The following KCNA1 variants were observed in gnomAD, a reference collection of about 807,000 sequenced individuals.
The protein encoded by KCNA1 is potassium voltage-gated channel subfamily A member 1.
In KCNA1, 19 loss-of-function variants were observed where a neutral mutation model predicts 28.8. The observed-to-expected ratio is 0.66, with a 90% CI of 0.46 to 0.97. KCNA1 has a LOEUF of 0.97. Among genes scored for constraint, KCNA1 ranks in the 50% least tolerant of loss-of-function variants. The probability of loss-of-function intolerance (pLI) is 0.00; values close to 1 mark genes in which losing one functional copy is unlikely to be tolerated. For missense variants in KCNA1, 419 were observed against 659.7 expected (o/e 0.64, Z 4.00); for synonymous variants, 311 against 268.8 (o/e 1.16, Z -1.53).
rs886049535 is a variant in KCNA1 at position 4,917,169 on chromosome 12, A to T, written c.*4303A>T. The T allele has an allele frequency of 1.3e-4, 21 of 167,100 alleles. No homozygotes were observed. The highest frequency in any genetic ancestry group is 4.8e-4 in the African/African-American group (20 of 41,474). The allele number at this position is 167,100 out of a possible 1,614,324, so 10.4% of individuals were successfully genotyped here. ...AGCATGTTATCTTCAGGCTTTTCCAAGCAAGAATGAAGTCTTTTGATGTTT... is the reference window on the plus strand; with the variant it reads ...AGCATGTTATCTTCAGGCTTTTCCATGCAAGAATGAAGTCTTTTGATGTTT... On this transcript the variant is annotated 3_prime_UTR_variant, in exon 2 of 2. Transcript: ENST00000382545.
Position 4,917,925 on chromosome 12 carries a change from T to C in KCNA1, c.*5059T>C, listed in dbSNP as rs1248369475. ...TGCCTCTAATAGTAAAGATAAAGTA[T>C]TACTGAGGTTAAAAATAAAAATTGA... On this transcript the variant is annotated 3_prime_UTR_variant, in exon 2 of 2. Transcript: ENST00000382545. The C allele has an allele frequency of 6.0e-6, 1 of 167,066 alleles. No individual in the cohort carries two copies. Among genetic ancestry groups the C allele is most frequent in the Non-Finnish European group, 1.5e-5 (1 of 68,112 alleles). 10.3% of individuals were successfully genotyped at this position (167,066 alleles called of 1,614,324 possible).
In KCNA1 at chr12:4,914,890, G is replaced by T. The variant is rs899275303; in HGVS notation, c.*2024G>T. 3.6e-5 allele frequency: 6 copies of T among 167,080 alleles called. No individual in the cohort carries two copies. Among genetic ancestry groups the T allele is most frequent in the Non-Finnish European group, 5.9e-5 (4 of 68,140 alleles). The allele number at this position is 167,080 out of a possible 1,614,324, so 10.3% of individuals were successfully genotyped here. A position where few individuals can be genotyped will look rare whatever the true frequency, so the allele number is the denominator to read the frequency against. ...TCGAGGGCCACTTTGGACACACAAG[G>T]CTTCCTCAGGTCCAGTGTAGTGCTC... On this transcript the variant is annotated 3_prime_UTR_variant, in exon 2 of 2. Transcript: ENST00000382545.
chr12:4,914,309 G>GCAAA lies in KCNA1; in HGVS notation c.*1460_*1463dup, dbSNP rs138257860. ...AGACAAACACAAGCAACACAAACAA[G>GCAAA]CAAACAAACAAACAAACAAAAAGGT... On this transcript the variant is annotated 3_prime_UTR_variant, in exon 2 of 2. Transcript: ENST00000382545. 3.9e-3 allele frequency: 657 copies of GCAAA among 167,034 alleles called. 4 individuals carry two copies. Among genetic ancestry groups the GCAAA allele is most frequent in the African/African-American group, 0.014 (596 of 41,546 alleles). 10.3% of individuals were successfully genotyped at this position (167,034 alleles called of 1,614,324 possible).
Position 4,910,991 on chromosome 12 carries a change from G to A in KCNA1, c.-388G>A, listed in dbSNP as rs774273695. On this transcript the variant is annotated 5_prime_UTR_variant, in exon 2 of 2. Coordinates refer to ENST00000382545, the MANE Select transcript of KCNA1 (RefSeq NM_000217.3). This position sits in a 1 kb window ranked among gnomAD's most constrained non-coding sequence, Gnocchi z 4.9. ...TCCTAGGAAGGCTCTCGGAGGGGAG[G>A]GGAGGCCAGGGCGACCCCCGAAGCA... 32 of 254,750 alleles carry A rather than the reference G, an allele frequency of 1.3e-4. No individual in the cohort carries two copies. Among genetic ancestry groups the A allele is most frequent in the Middle Eastern group, 1.4e-3 (1 of 706 alleles). 15.8% of individuals were successfully genotyped at this position (254,750 alleles called of 1,614,324 possible). A position where few individuals can be genotyped will look rare whatever the true frequency, so the allele number is the denominator to read the frequency against.
rs538124999 is a variant in KCNA1, at chr12:4,915,949, T to G, written c.*3083T>G. 7 of 167,206 alleles carry G rather than the reference T, an allele frequency of 4.2e-5. No homozygotes were observed. Among genetic ancestry groups the G allele is most frequent in the African/African-American group, 1.4e-4 (6 of 41,538 alleles). The allele number at this position is 167,206 out of a possible 1,614,324, so 10.4% of individuals were successfully genotyped here. ...TCAGTCTGGGACTGGGGGTGAGTTGTTGTTATGAGTTTGGGGTGGTGTGAG... is the reference window on the plus strand; with the variant it reads ...TCAGTCTGGGACTGGGGGTGAGTTGGTGTTATGAGTTTGGGGTGGTGTGAG... On this transcript the variant is annotated 3_prime_UTR_variant, in exon 2 of 2. Transcript: ENST00000382545.
rs200499946 is a variant in KCNA1 at position 4,915,447 on chromosome 12, A to T, written c.*2581A>T. On this transcript the variant is annotated 3_prime_UTR_variant, in exon 2 of 2. Transcript: ENST00000382545. Reference sequence around the variant, plus strand: ...AGTTACACCCATTCTGGCTAACTCGATTAAAAGAAAGAACATGGATATCTT... The same window carrying T: ...AGTTACACCCATTCTGGCTAACTCGTTTAAAAGAAAGAACATGGATATCTT... The T allele has an allele frequency of 4.2e-5, 7 of 167,114 alleles. No homozygotes were observed. In the East Asian group the frequency reaches 1.3e-3, roughly 32 times the overall value. 10.4% of individuals were successfully genotyped at this position (167,114 alleles called of 1,614,324 possible).
In KCNA1 at chr12:4,911,813, C is replaced by T. The variant is rs761301513; in HGVS notation, c.435C>T (p.Pro145=). 3 of 1,613,890 alleles carry T rather than the reference C, an allele frequency of 1.9e-6. No homozygotes were observed. Among genetic ancestry groups the T allele is most frequent in the Non-Finnish European group, 2.5e-6 (3 of 1,179,930 alleles). The part of the protein sequence containing the change: ...GFIKEEERPL[P]EKEYQRQVWL... ...TCAAGGAGGAGGAGCGCCCTCTGCC[C>T]GAGAAGGAGTACCAGCGCCAGGTGT... Residue 145 remains proline (P), a synonymous_variant, in exon 2 of 2, where the codon CCC becomes CCT. Coordinates refer to ENST00000382545, the MANE Select transcript of KCNA1 (RefSeq NM_000217.3). This position sits in a 1 kb window ranked among gnomAD's most constrained non-coding sequence, Gnocchi z 6.6.
rs1373178948 is a variant in KCNA1 at position 4,914,450 on chromosome 12, TA to T, written c.*1585del. The T allele has an allele frequency of 1.2e-5, 2 of 167,050 alleles. No homozygotes were observed. The highest frequency in any genetic ancestry group is 2.9e-5 in the Non-Finnish European group (2 of 68,130). 10.3% of individuals were successfully genotyped at this position (167,050 alleles called of 1,614,324 possible). ...CTTTGCAGTCATTCTTTGAAGTCTGTAGAGACTTCAGCCCTCCCCTTGAGGC... is the reference window on the plus strand; with the variant it reads ...CTTTGCAGTCATTCTTTGAAGTCTGTGAGACTTCAGCCCTCCCCTTGAGGC... On this transcript the variant is annotated 3_prime_UTR_variant, in exon 2 of 2. Transcript: ENST00000382545.
rs1197941442 is a variant in KCNA1, at chr12:4,910,200, C to G, written c.-812C>G. ...CCGCATCCTCCGGAACTCCCTGCAC[C>G]GGAGAGAGGACGGCGTCTCCAGGTT... On this transcript the variant is annotated 5_prime_UTR_variant, in exon 1 of 2. Coordinates refer to ENST00000382545, the MANE Select transcript of KCNA1 (RefSeq NM_000217.3). This position sits in a 1 kb window ranked among gnomAD's most constrained non-coding sequence, Gnocchi z 4.9. 1 of 152,370 alleles carries G rather than the reference C, an allele frequency of 6.6e-6. No individual in the cohort carries two copies. Among genetic ancestry groups the G allele is most frequent in the African/African-American group, 2.4e-5 (1 of 41,452 alleles). The allele number at this position is 152,370 out of a possible 1,614,324, so 9.4% of individuals were successfully genotyped here. A position where few individuals can be genotyped will look rare whatever the true frequency, so the allele number is the denominator to read the frequency against.
Position 4,912,145 on chromosome 12 carries a change from T to A in KCNA1, c.767T>A (p.Phe256Tyr). 7 of 1,613,834 alleles carry A rather than the reference T, an allele frequency of 4.3e-6. No homozygotes were observed. The highest frequency in any genetic ancestry group is 5.9e-6 in the Non-Finnish European group (7 of 1,179,970). Reference sequence around the variant, plus strand: ...GACTTCTTCAAAAACATCATGAACTTCATAGACATTGTGGCCATCATTCCT... The same window carrying A: ...GACTTCTTCAAAAACATCATGAACTACATAGACATTGTGGCCATCATTCCT... The part of the protein sequence containing the change: ...KTDFFKNIMN[F>Y]IDIVAIIPYF... The change falls in exon 2 of 2, where the codon TTC (phenylalanine) becomes TAC (tyrosine). Residue 256 changes from phenylalanine (F) to tyrosine (Y), a missense_variant. This residue lies in a region of KCNA1 where 217 missense variants were observed against 329.6 expected (regional missense o/e 0.66). Coordinates refer to ENST00000382545, the MANE Select transcript of KCNA1 (RefSeq NM_000217.3).
chr12:4,911,613 G>C lies in KCNA1; in HGVS notation c.235G>C (p.Glu79Gln). 1 of 1,614,166 alleles carries C rather than the reference G, an allele frequency of 6.2e-7. No individual in the cohort carries two copies. The highest frequency in any genetic ancestry group is 8.5e-7 in the Non-Finnish European group (1 of 1,180,036). Residue 79 changes from glutamate to glutamine, a missense_variant, in exon 2 of 2, where the codon GAG (glutamate) becomes CAG (glutamine). Glu to Gln is a conservative substitution (Grantham distance 29). Around this residue, in one of 4 missense-constraint regions of KCNA1, gnomAD observed 217 missense variants for 329.6 expected, o/e 0.66. Transcript: ENST00000382545. The surrounding 1 kb of genome is among the most constrained non-coding windows in gnomAD (Gnocchi z 6.6). Reference sequence around the variant, plus strand: ...GCGCTACTTCGACCCCCTGAGGAACGAGTACTTCTTCGACCGCAACCGGCC... The same window carrying C: ...GCGCTACTTCGACCCCCTGAGGAACCAGTACTTCTTCGACCGCAACCGGCC... ...RMRYFDPLRN[E>Q]YFFDRNRPSF...
Position 4,914,415 on chromosome 12 carries a change from AT to A in KCNA1, c.*1558del, listed in dbSNP as rs946372747. On this transcript the variant is annotated 3_prime_UTR_variant, in exon 2 of 2. Coordinates refer to ENST00000382545, the MANE Select transcript of KCNA1 (RefSeq NM_000217.3). ...ATTATATGCATCCGAAGCAGAGCTGATTTTTTTTTCTTTGCAGTCATTCTTT... is the reference window on the plus strand; with the variant it reads ...ATTATATGCATCCGAAGCAGAGCTGATTTTTTTTCTTTGCAGTCATTCTTT... 2.4e-5 allele frequency: 4 copies of A among 166,394 alleles called. No individual in the cohort carries two copies. Among genetic ancestry groups the A allele is most frequent in the Non-Finnish European group, 4.4e-5 (3 of 67,980 alleles). 10.3% of individuals were successfully genotyped at this position (166,394 alleles called of 1,614,324 possible).
chr12:4,912,047 C>A lies in KCNA1; in HGVS notation c.669C>A (p.Ile223=), dbSNP rs766618582. 2 of 1,614,198 alleles carry A rather than the reference C, an allele frequency of 1.2e-6. No homozygotes were observed. Among genetic ancestry groups the A allele is most frequent in the Non-Finnish European group, 1.7e-6 (2 of 1,180,044 alleles). The change falls in exon 2 of 2, where the codon ATC becomes ATA. Residue 223 remains isoleucine, a synonymous_variant. Transcript: ENST00000382545. ...ACATCTTCACAGACCCCTTCTTCAT[C>A]GTGGAAACGCTGTGTATCATCTGGT... is the stretch of plus-strand genomic sequence containing the variant. The part of the protein sequence containing the change: ...NSNIFTDPFF[I]VETLCIIWFS...
chr12:4,913,028 T>C lies in KCNA1; in HGVS notation c.*162T>C, dbSNP rs1289285148. The C allele has an allele frequency of 1.5e-6, 1 of 660,986 alleles. No individual in the cohort carries two copies. Among genetic ancestry groups the C allele is most frequent in the Admixed American group, 2.7e-5 (1 of 36,982 alleles). The allele number at this position is 660,986 out of a possible 1,614,324, so 40.9% of individuals were successfully genotyped here. On this transcript the variant is annotated 3_prime_UTR_variant, in exon 2 of 2. Coordinates refer to ENST00000382545, the MANE Select transcript of KCNA1 (RefSeq NM_000217.3). ...CAATGCGTTGTTGCATTGAGGATTT[T>C]GGGGGTGGTGAACCAGAAGCTTTCA... is the stretch of plus-strand genomic sequence containing the variant.
Position 4,912,608 on chromosome 12 carries a change from T to C in KCNA1, c.1230T>C (p.Asn410=). Residue 410 remains asparagine (N), a synonymous_variant, in exon 2 of 2, where the codon AAT becomes AAC. Transcript: ENST00000382545. ...IALPVPVIVS[N]FNYFYHRETE... is the part of the protein sequence containing the mutation. ...TGCCCGTACCTGTCATTGTGTCCAA[T>C]TTCAACTATTTCTACCACCGAGAAA... 6.2e-7 allele frequency: 1 copy of C among 1,613,434 alleles called. No individual in the cohort carries two copies. The highest frequency in any genetic ancestry group is 8.5e-7 in the Non-Finnish European group (1 of 1,179,858).
chr12:4,911,436 C>A lies in KCNA1; in HGVS notation c.58C>A (p.Gln20Lys). 5 of 1,613,708 alleles carry A rather than the reference C, an allele frequency of 3.1e-6. No individual in the cohort carries two copies. Among genetic ancestry groups the A allele is most frequent in the Non-Finnish European group, 4.2e-6 (5 of 1,179,898 alleles). Reference protein sequence around the residue: ...DEASAAPGHPQDGSYPRQADH... With the variant: ...DEASAAPGHPKDGSYPRQADH... ...GGCTTCGGCCGCCCCGGGCCACCCC[C>A]AGGATGGCAGCTACCCCCGGCAGGC... Residue 20 changes from glutamine (Q) to lysine (K), a missense_variant, in exon 2 of 2, where the codon CAG (glutamine) becomes AAG (lysine). Physicochemically the swap from Gln to Lys is moderately conservative, Grantham distance 53. Coordinates refer to ENST00000382545, the MANE Select transcript of KCNA1 (RefSeq NM_000217.3). This position sits in a 1 kb window ranked among gnomAD's most constrained non-coding sequence, Gnocchi z 6.6.
In KCNA1 at chr12:4,911,522, C is replaced by T. The variant is rs886042316; in HGVS notation, c.144C>T (p.Phe48=). 6.2e-7 allele frequency: 1 copy of T among 1,614,182 alleles called. No individual in the cohort carries two copies. The highest frequency in any genetic ancestry group is 8.5e-7 in the Non-Finnish European group (1 of 1,180,038). The change falls in exon 2 of 2, where the codon TTC becomes TTT. Residue 48 remains phenylalanine (F), a synonymous_variant. Coordinates refer to ENST00000382545, the MANE Select transcript of KCNA1 (RefSeq NM_000217.3). This position sits in a 1 kb window ranked among gnomAD's most constrained non-coding sequence, Gnocchi z 6.6. ...RVVINISGLR[F]ETQLKTLAQF... Reference sequence around the variant, plus strand: ...TGATCAACATCTCCGGGCTGCGCTTCGAGACGCAGCTCAAGACCCTGGCGC... The same window carrying T: ...TGATCAACATCTCCGGGCTGCGCTTTGAGACGCAGCTCAAGACCCTGGCGC...
Position 4,911,563 on chromosome 12 carries a change from T to C in KCNA1, c.185T>C (p.Leu62Pro). ...ACCCTGGCGCAGTTCCCCAACACGC[T>C]GCTGGGCAACCCTAAGAAACGCATG... ...LKTLAQFPNT[L>P]LGNPKKRMRY... is the part of the protein sequence containing the mutation. Residue 62 changes from leucine to proline, a missense_variant, in exon 2 of 2, where the codon CTG (leucine) becomes CCG (proline). Physicochemically the swap from Leu to Pro is moderately conservative, Grantham distance 98 (BLOSUM62 -3). This residue lies in a region of KCNA1 where 217 missense variants were observed against 329.6 expected (regional missense o/e 0.66). Transcript: ENST00000382545. This position sits in a 1 kb window ranked among gnomAD's most constrained non-coding sequence, Gnocchi z 6.6. The C allele has an allele frequency of 6.2e-7, 1 of 1,614,170 alleles. No individual in the cohort carries two copies. Among genetic ancestry groups the C allele is most frequent in the Non-Finnish European group, 8.5e-7 (1 of 1,180,030 alleles).
rs1947380729 is a variant in KCNA1, at chr12:4,915,655, A to G, written c.*2789A>G. 6.0e-6 allele frequency: 1 copy of G among 167,062 alleles called. No homozygotes were observed. The highest frequency in any genetic ancestry group is 6.5e-5 in the Admixed American group (1 of 15,286). The allele number at this position is 167,062 out of a possible 1,614,324, so 10.3% of individuals were successfully genotyped here. On this transcript the variant is annotated 3_prime_UTR_variant, in exon 2 of 2. Transcript: ENST00000382545. ...TTTCCTACTTGCTTAAAAATCCCCA[A>G]TTAGGAAAAAAATGCCAACCTCCTC...
Sources: gnomAD v4.1 joint callset for allele counts on GRCh38, gnomAD v4.1.1 for gene constraint, gnomAD v4.1.1 regional missense constraint, Gnocchi (gnomAD v3.1) non-coding constraint, MANE v1.5 for transcripts, NCBI Gene and HGNC (gene_info 2026-07-23, HGNC 2026-07-21) for gene names.